CC2D2A: variants seen among roughly 807,000 people sequenced by gnomAD.
CC2D2A encodes coiled-coil and C2 domain-containing protein 2A.
A neutral mutation model predicts 212.9 loss-of-function variants in CC2D2A; 155 were observed. The ratio of observed to expected loss-of-function variants is 0.73; its 90% CI spans 0.64 to 0.83. The LOEUF is 0.83. CC2D2A is among the 40% of genes least tolerant of loss of function. The pLI, the probability that CC2D2A is intolerant of heterozygous loss-of-function variation, is 0.00. For synonymous variants in CC2D2A, 667 were observed against 686.5 expected, an observed-to-expected ratio of 0.97 and a Z score of 0.44; for missense variants, 1,856 against 1,956.2, an observed-to-expected ratio of 0.95 and a Z score of 0.97.
chr4:15,475,235 C>T (rs1025867253), intron 1 of CC2D2A, among the ~76,000 whole-genome samples: 1 of 152,232 alleles, frequency 6.6e-6, no homozygotes, highest in Non-Finnish European at 1.5e-5. Flanking sequence ...GATCGTGCCA[C>T]TGTACTCCAG....
rs145135790 is a variant in CC2D2A, at chr4:15,579,635, C to T, written c.3772-333C>T. On this transcript the variant is annotated intron_variant, in intron 29 of 36. Transcript: ENST00000424120. The stretch of plus-strand genomic sequence containing the variant: ...AACCACCATCAAAATACACACAAAA[C>T]TCTACTGCCTAATTCTAGCCTCATC... 3.2e-4 allele frequency among the ~76,000 whole-genome samples: 49 copies of T among 152,310 alleles called. No homozygotes were observed. In the East Asian group the frequency reaches 9.1e-3, roughly 28 times the overall value.
At chr4:15,544,288 A>G (rs1459993099) in intron 17 of CC2D2A, among the ~76,000 whole-genome samples, 1 of 152,166 alleles carries the variant, frequency 6.6e-6, no homozygotes, top group Non-Finnish European at 1.5e-5. Flanking sequence ...AGGGGCCCAC[A>G]TGAGTCCCTC....
chr4:15,485,535 G>GT (rs965749042), intron 4 of CC2D2A, among the ~76,000 whole-genome samples: 15 of 152,106 alleles, frequency 9.9e-5, no homozygotes, highest in African/African-American at 3.1e-4. Flanking sequence ...TCTATTTTTA[G>GT]TTTTTTGAGA....
rs1023926356 is a variant in CC2D2A, at chr4:15,541,056, C to T, written c.2181+42C>T. 12 of 1,453,730 alleles carry T rather than the reference C, an allele frequency of 8.3e-6. 1 individual carries two copies. The Admixed American group carries it at 1.9e-4, about 23-fold the overall frequency. 90.1% of individuals were successfully genotyped at this position (1,453,730 alleles called of 1,614,324 possible). A position where few individuals can be genotyped will look rare whatever the true frequency, so the allele number is the denominator to read the frequency against. ...TAGTTACTGGCCGGGCACTGTGGCT[C>T]ATGCCTGTACTTTGGGAGGCCAAGG... is the stretch of plus-strand genomic sequence containing the variant. On this transcript the variant is annotated intron_variant, in intron 17 of 36. Transcript: ENST00000424120.
At chr4:15,594,285 T>C (rs1226929211) in intron 33 of CC2D2A, among the ~76,000 whole-genome samples, 2 of 152,136 alleles carry the variant, frequency 1.3e-5, no homozygotes, top group African/African-American at 2.4e-5. Context: ...AAATGCTCCA[T>C]TTTTGTTTTC....
At chr4:15,492,636 G>A (rs1407235167) in intron 4 of CC2D2A, 6 of 522,806 alleles carry the variant, frequency 1.1e-5, no homozygotes, top group African/African-American at 9.6e-5. Context: ...CAGTGAGGTG[G>A]GGGACTAAGG....
chr4:15,496,096 TATTGA>T (rs1224578380), intron 4 of CC2D2A, among the ~76,000 whole-genome samples: 2 of 152,174 alleles, frequency 1.3e-5, no homozygotes, highest in Non-Finnish European at 2.9e-5. Context: ...GTGTTTTGCT[TATTGA>T]ATTAAGTTCC....
intron 7 of CC2D2A, 58 bp from the exon 8 acceptor site, chr4:15,511,189 G>A (rs1716548816): frequency 6.7e-7 from 1 of 1,503,592 alleles, no homozygotes; most frequent in Middle Eastern, 1.7e-4. Context: ...AGTTAATTGT[G>A]CAGAGCGCAT....
At chr4:15,569,470 A>G in intron 27 of CC2D2A, 81 bp downstream of exon 27, 1 of 795,106 alleles carries the variant, frequency 1.3e-6, no homozygotes, top group South Asian at 1.6e-5. Flanking sequence ...TCACATTGTT[A>G]CCAGAAAGGG....
chr4:15,531,362 T>C (rs899381551), intron 13 of CC2D2A, among the ~76,000 whole-genome samples: 1 of 152,222 alleles, frequency 6.6e-6, no homozygotes, highest in Non-Finnish European at 1.5e-5. Flanking sequence ...TCCTCGTCCC[T>C]TTCCAGCCAT....
intron 4 of CC2D2A, among the ~76,000 whole-genome samples, chr4:15,488,693 C>G (rs561635931): frequency 1.3e-5 from 2 of 152,362 alleles, no homozygotes; most frequent in East Asian, 3.9e-4. Flanking sequence ...CAGCCCAGCT[C>G]CTCACCTTGA....
In CC2D2A at chr4:15,528,619, G is replaced by C. The variant is rs1165615401; in HGVS notation, c.1360-1G>C. The C allele has an allele frequency of 6.2e-7, 1 of 1,611,798 alleles. No homozygotes were observed. Among genetic ancestry groups the C allele is most frequent in the Non-Finnish European group, 8.5e-7 (1 of 1,178,158 alleles). ...AAAACTTGTATCCATGTCGTTTTAA[G>C]CTCCAAGCTTTAAGAAATGCTGTTC... On this transcript the variant is annotated splice_acceptor_variant, in intron 12 of 36. Coordinates refer to ENST00000424120, the MANE Select transcript of CC2D2A (RefSeq NM_001378615.1). LOFTEE classifies it high-confidence loss of function.
At chr4:15,540,079 A>G (rs772605116) in intron 16 of CC2D2A, among the ~76,000 whole-genome samples, 5 of 152,162 alleles carry the variant, frequency 3.3e-5, no homozygotes, top group African/African-American at 4.8e-5. Flanking sequence ...ACATTACGTT[A>G]TGTTATATAT....
At chr4:15,570,204 A>T (rs1720093492) in intron 27 of CC2D2A, among the ~76,000 whole-genome samples, 194 bp from the exon 28 acceptor site, 1 of 152,248 alleles carries the variant, frequency 6.6e-6, no homozygotes, top group Admixed American at 6.5e-5. Flanking sequence ...TGATGAGAAA[A>T]CTGAGGTTCA....
chr4:15,502,879 C>T lies in CC2D2A; in HGVS notation c.394C>T (p.Arg132Ter), dbSNP rs377177061. ...CCCCACTCCTCGGCCCAGACGCTTA[C>T]GAAGTCCCAGTAAGAAAGAATTGGA... ...EIPTPRPRRL[R>*]SPSKKELETE... Residue 132 changes from arginine (R) to a stop codon, truncating the protein, a stop_gained, in exon 6 of 37, where the codon CGA (arginine) becomes TGA (stop). Coordinates refer to ENST00000424120, the MANE Select transcript of CC2D2A (RefSeq NM_001378615.1). LOFTEE classifies it high-confidence loss of function. 1.5e-5 allele frequency: 24 copies of T among 1,611,658 alleles called. No homozygotes were observed. The African/African-American group carries it at 2.8e-4, about 19-fold the overall frequency.
chr4:15,529,254 T>C (rs1394665600), intron 13 of CC2D2A, among the ~76,000 whole-genome samples: 1 of 151,932 alleles, frequency 6.6e-6, no homozygotes, highest in Non-Finnish European at 1.5e-5. Context: ...TAGTAGTATG[T>C]GCATGTAGTC....
At chr4:15,567,883 G>A in intron 26 of CC2D2A, 97 bp downstream of exon 26, 1 of 829,544 alleles carries the variant, frequency 1.2e-6, no homozygotes, top group Non-Finnish European at 1.9e-6. Flanking sequence ...GGATTTTGTA[G>A]CTAGTGAGCG....
rs548309204 is a variant in CC2D2A, at chr4:15,545,954, T to TA, written c.2182-4864dup. ...CGAGACCCCATCTCCACAAAAATTTTAAAAAATTAGCTGGGCATGGTGGTA... is the reference window on the plus strand; with the variant it reads ...CGAGACCCCATCTCCACAAAAATTTTAAAAAAATTAGCTGGGCATGGTGGTA... On this transcript the variant is annotated intron_variant, in intron 17 of 36. Transcript: ENST00000424120. Among the ~76,000 whole-genome samples, 298 of 152,048 alleles carry TA rather than the reference T, an allele frequency of 2.0e-3. 1 individual carries two copies. The highest frequency in any genetic ancestry group is 6.9e-3 in the African/African-American group (287 of 41,494).
chr4:15,586,932 T>G (rs1720878739), intron 31 of CC2D2A, among the ~76,000 whole-genome samples: 1 of 152,222 alleles, frequency 6.6e-6, no homozygotes, highest in South Asian at 2.1e-4. Flanking sequence ...CCAATACATT[T>G]TGGCAACATA....
Sources: gnomAD v4.1 joint callset for allele counts (sites outside exome capture counted in the v4.1 genomes callset) on GRCh38, gnomAD v4.1.1 for gene constraint, MANE v1.5 for transcripts, NCBI Gene and HGNC (gene_info 2026-07-23, HGNC 2026-07-21) for gene names.